The following DST variants were observed in gnomAD, a reference collection of about 807,000 sequenced individuals.
The protein encoded by DST is bullous pemphigoid antigen.
A neutral mutation model predicts 875.2 loss-of-function variants in DST; 253 were observed. That is an observed-to-expected ratio of 0.29 (90% CI 0.26 to 0.32). The LOEUF (loss-of-function observed/expected upper bound fraction) is 0.32, where lower values mean the gene tolerates loss of function less well. Ranked by LOEUF, DST falls within the 10% of genes least tolerant of loss-of-function variation. DST has a pLI of 1.00. For missense variants in DST, 8,287 were observed against 9,111.6 expected (o/e 0.91, Z 3.68); for synonymous variants, 3,124 against 3,197.1 (o/e 0.98, Z 0.77).
intron 69 of DST, among the ~76,000 whole-genome samples, chr6:56,519,733 T>TGGAG (rs112884316): frequency 0.01 from 1,520 of 147,256 alleles, 30 homozygotes; most frequent in African/African-American, 0.038. Context: ...ATTGGGAACC[T>TGGAG]GGACTTCTAT....
At chr6:56,849,352 G>A (rs1763804586) in intron 4 of DST, among the ~76,000 whole-genome samples, 1 of 152,004 alleles carries the variant, frequency 6.6e-6, no homozygotes, top group African/African-American at 2.4e-5. Flanking sequence ...GACCAGGATG[G>A]TCTCGATCTC....
At position 56,607,875 on chromosome 6, in the gene DST, G is replaced by C. The variant is rs748661820; in HGVS notation, c.6753C>G (p.Leu2251=). 1.4e-5 allele frequency: 22 copies of C among 1,613,406 alleles called. No homozygotes were observed. The highest frequency in any genetic ancestry group is 2.2e-5 in the East Asian group (1 of 44,876). ...ATACACCAGATGAGCTTAAGACATC[G>C]AGACATTCTTTTATGGCTGTGTTTC... ...FDGNTAIKEC[L]DVLSSSGVFL... Residue 2251 remains leucine, a synonymous_variant, in exon 40 of 104, where the codon CTC becomes CTG. Transcript: ENST00000680361.
At position 56,504,105 on chromosome 6, in the gene DST, G is replaced by A; in HGVS notation, c.19465-7C>T. ...CTACCCAGTCAAATACCGCCTGAAAGACACATTCGCCCACGTGTTGTTACA... is the reference window on the plus strand; with the variant it reads ...CTACCCAGTCAAATACCGCCTGAAAAACACATTCGCCCACGTGTTGTTACA... On this transcript the variant is annotated splice_polypyrimidine_tract_variant and splice_region_variant and intron_variant, in intron 77 of 103. Transcript: ENST00000680361. The A allele has an allele frequency of 1.9e-6, 3 of 1,597,464 alleles. No homozygotes were observed. The highest frequency in any genetic ancestry group is 2.6e-6 in the Non-Finnish European group (3 of 1,169,108).
chr6:56,773,156 G>A (rs1412579473), intron 4 of DST, among the ~76,000 whole-genome samples: 1 of 151,974 alleles, frequency 6.6e-6, no homozygotes, highest in African/African-American at 2.4e-5. Context: ...AAAACACACA[G>A]CTGAGCAATT....
In DST at chr6:56,470,111, G is replaced by A; in HGVS notation, c.22476+17C>T. On this transcript the variant is annotated intron_variant, in intron 96 of 103. Coordinates refer to ENST00000680361, the MANE Select transcript of DST (RefSeq NM_001374736.1). ...ACATACTATCAGTGTTGTACGCAAT[G>A]GGAAGATAATGAGTACCTCATCTTC... is the stretch of plus-strand genomic sequence containing the variant. 2.5e-6 allele frequency: 4 copies of A among 1,610,378 alleles called. No homozygotes were observed. Among genetic ancestry groups the A allele is most frequent in the Non-Finnish European group, 3.4e-6 (4 of 1,177,286 alleles).
chr6:56,916,500 C>T (rs1269673293), intron 2 of DST, among the ~76,000 whole-genome samples: 1 of 152,088 alleles, frequency 6.6e-6, no homozygotes, highest in East Asian at 1.9e-4. Flanking sequence ...GCCTGTAATC[C>T]CAGCACTTTG....
chr6:56,529,142 C>T (rs1043363039), intron 66 of DST, among the ~76,000 whole-genome samples: 1 of 152,168 alleles, frequency 6.6e-6, no homozygotes, highest in Non-Finnish European at 1.5e-5. Flanking sequence ...ACAGCATATT[C>T]CTTTTCAGAA....
intron 4 of DST, among the ~76,000 whole-genome samples, chr6:56,741,302 T>C (rs2099546015): frequency 1.3e-5 from 2 of 152,188 alleles, no homozygotes; most frequent in Admixed American, 1.3e-4. Context: ...TGAGGTAATA[T>C]CTAGGAATTA....
Position 56,670,923 on chromosome 6 carries a change from G to A in DST, c.1048-116C>T, listed in dbSNP as rs549813591. ...TAAGATTAGGATAATAACAATTCCC[G>A]CTTCATGAGATTGTTAAGAGATTTG... is the stretch of plus-strand genomic sequence containing the variant. On this transcript the variant is annotated intron_variant, in intron 9 of 103. Transcript: ENST00000680361. The A allele has an allele frequency of 2.7e-5, 15 of 558,940 alleles. No homozygotes were observed. The South Asian group carries it at 3.0e-4, about 11-fold the overall frequency. 34.6% of individuals were successfully genotyped at this position (558,940 alleles called of 1,614,324 possible).
intron 4 of DST, among the ~76,000 whole-genome samples, chr6:56,801,500 G>A (rs1463657183): frequency 6.6e-6 from 1 of 152,038 alleles, no homozygotes; most frequent in Non-Finnish European, 1.5e-5. Context: ...GCTAGTCAAG[G>A]ATCTAAAATG....
rs533223970 is a variant in DST, at chr6:56,901,571, G to C, written c.217-950C>G. On this transcript the variant is annotated intron_variant, in intron 2 of 103. Transcript: ENST00000680361. Reference sequence around the variant, plus strand: ...GATCATGCCACTGCACTCCAGCCCAGGTGACAGAGTGAGACTCCATCTAAA... The same window carrying C: ...GATCATGCCACTGCACTCCAGCCCACGTGACAGAGTGAGACTCCATCTAAA... 1.6e-4 allele frequency among the ~76,000 whole-genome samples: 25 copies of C among 152,266 alleles called. 1 individual carries two copies. In the East Asian group the frequency reaches 4.6e-3, roughly 28 times the overall value.
In DST at chr6:56,504,097, G is replaced by C; in HGVS notation, c.19466C>G (p.Ala6489Gly). The C allele has an allele frequency of 6.2e-7, 1 of 1,603,738 alleles. No individual in the cohort carries two copies. The highest frequency in any genetic ancestry group is 1.1e-5 in the South Asian group (1 of 89,184). Reference sequence around the variant, plus strand: ...TGCAATATCTACCCAGTCAAATACCGCCTGAAAGACACATTCGCCCACGTG... The same window carrying C: ...TGCAATATCTACCCAGTCAAATACCCCCTGAAAGACACATTCGCCCACGTG... The part of the protein sequence containing the change: ...AAVQYQDGLQ[A>G]VFDWVDIAGG... Residue 6489 changes from alanine to glycine, a missense_variant and splice_region_variant, in exon 78 of 104, where the codon GCG becomes GGG. Physicochemically the swap from Ala to Gly is moderately conservative, Grantham distance 60. Around this residue, in one of 10 missense-constraint regions of DST, gnomAD observed 1,292 missense variants for 1,552.7 expected, o/e 0.83. Coordinates refer to ENST00000680361, the MANE Select transcript of DST (RefSeq NM_001374736.1).
chr6:56,722,622 T>C (rs978031459), intron 5 of DST, among the ~76,000 whole-genome samples: 4 of 152,184 alleles, frequency 2.6e-5, no homozygotes, highest in African/African-American at 9.7e-5. Context: ...GACCTCGTGA[T>C]CCACCTACTT....
At chr6:56,619,186 A>C in intron 36 of DST, 1 of 1,614,058 alleles carries the variant, frequency 6.2e-7, no homozygotes, top group Non-Finnish European at 8.5e-7. Flanking sequence ...CATCTGCCTG[A>C]ATTTTCAGTG....
chr6:56,908,122 T>C (rs963535679), intron 2 of DST, among the ~76,000 whole-genome samples: 1 of 151,342 alleles, frequency 6.6e-6, no homozygotes, highest in African/African-American at 2.4e-5. Context: ...CACACATATA[T>C]ACACACATAT....
Position 56,603,945 on chromosome 6 carries a change from T to C in DST, c.10683A>G (p.Thr3561=). ...GLESSTVWAS[T]LPRDEKLKDL... ...CCTTGAGCTTCTCATCTCTTGGCAA[T>C]GTTGATGCCCACACAGTAGAGCTTT... The change falls in exon 40 of 104, where the codon ACA becomes ACG. Residue 3561 remains threonine, a synonymous_variant. Transcript: ENST00000680361. 1 of 1,611,580 alleles carries C rather than the reference T, an allele frequency of 6.2e-7. No individual in the cohort carries two copies. The highest frequency in any genetic ancestry group is 8.5e-7 in the Non-Finnish European group (1 of 1,178,652).
chr6:56,574,085 C>G (rs993080625), intron 50 of DST, among the ~76,000 whole-genome samples, 198 bp from the exon 51 acceptor site: 1 of 152,088 alleles, frequency 6.6e-6, no homozygotes, highest in Non-Finnish European at 1.5e-5. Context: ...CCAATGGATA[C>G]TGAAAATTGA....
At chr6:56,571,594 C>T (rs1405502874) in intron 53 of DST, among the ~76,000 whole-genome samples, 1 of 152,188 alleles carries the variant, frequency 6.6e-6, no homozygotes, top group Non-Finnish European at 1.5e-5. Context: ...TTTAGCTCAA[C>T]TTAGGTTCAT....
At chr6:56,516,175 A>AAGAGAAAGAGAAGG (rs149845075) in intron 71 of DST, among the ~76,000 whole-genome samples, 1 of 114,352 alleles carries the variant, frequency 8.7e-6, no homozygotes, top group African/African-American at 2.6e-5. Context: ...GAGAAAGAGA[A>AAGAGAAAGAGAAGG]AGAAAGAGAA....
Sources: allele counts gnomAD v4.1 joint callset (sites outside exome capture counted in the v4.1 genomes callset), GRCh38; gene constraint gnomAD v4.1.1; regional missense constraint gnomAD v4.1.1; transcripts MANE v1.5; gene names NCBI Gene and HGNC (gene_info 2026-07-23, HGNC 2026-07-21).